TFAP2D: variants seen among roughly 807,000 people sequenced by gnomAD.
TFAP2D encodes the protein transcription factor AP-2-delta.
Under a neutral mutation model 43.6 loss-of-function variants are expected in TFAP2D, and 9 were observed. The observed-to-expected ratio is 0.21, with a 90% CI of 0.12 to 0.36. The LOEUF (loss-of-function observed/expected upper bound fraction) is 0.36. TFAP2D is among the 10% of genes least tolerant of loss of function. The pLI is 1.00. For synonymous variants in TFAP2D, 256 were observed against 224.9 expected, an observed-to-expected ratio of 1.14 and a Z score of -1.24; for missense variants, 513 against 561.4, an observed-to-expected ratio of 0.91 and a Z score of 0.87.
Position 50,745,238 on chromosome 6 carries a change from C to T in TFAP2D, c.1015C>T (p.Leu339=). 1 of 1,613,496 alleles carries T rather than the reference C, an allele frequency of 6.2e-7. No individual in the cohort carries two copies. Among genetic ancestry groups the T allele is most frequent in the Non-Finnish European group, 8.5e-7 (1 of 1,179,648 alleles). ...ACAGACAGCAAGAAAAAAGATGATC[C>T]TGGCGACCAAGTAAGCAGAATGGGG... The part of the protein sequence containing the change: ...KEQTARKKMI[L]ATKQICKEFQ... Residue 339 remains leucine, a synonymous_variant, in exon 6 of 8, where the codon CTG becomes TTG. Transcript: ENST00000008391.
chr6:50,768,603 T>C (rs1391003087), intron 7 of TFAP2D, among the ~76,000 whole-genome samples: 2 of 152,182 alleles, frequency 1.3e-5, no homozygotes, highest in African/African-American at 4.8e-5. Context: ...TAAAACATAC[T>C]GTGATTGCAC....
chr6:50,745,906 G>A (rs554756544), intron 6 of TFAP2D, among the ~76,000 whole-genome samples: 20 of 152,208 alleles, frequency 1.3e-4, no homozygotes, highest in African/African-American at 4.6e-4. Context: ...AATAGGAAAG[G>A]GGGAAGCTTG....
intron 5 of TFAP2D, among the ~76,000 whole-genome samples, chr6:50,737,691 T>G (rs1768982824): frequency 6.6e-6 from 1 of 152,178 alleles, no homozygotes. Context: ...TGCAATCAAT[T>G]TTTTGAGTTT....
At chr6:50,717,484 A>G (rs973218533) in intron 2 of TFAP2D, among the ~76,000 whole-genome samples, 1 of 152,196 alleles carries the variant, frequency 6.6e-6, no homozygotes, top group African/African-American at 2.4e-5. Flanking sequence ...TATCATCTAC[A>G]TTTCAGATAT....
intron 5 of TFAP2D, among the ~76,000 whole-genome samples, chr6:50,742,285 G>A (rs1769056553): frequency 6.6e-6 from 1 of 151,836 alleles, no homozygotes; most frequent in Non-Finnish European, 1.5e-5. Context: ...TATATCACAA[G>A]CAGGAGAAAG....
intron 7 of TFAP2D, among the ~76,000 whole-genome samples, chr6:50,764,828 A>C (rs1769419918): frequency 6.6e-6 from 1 of 152,196 alleles, no homozygotes; most frequent in African/African-American, 2.4e-5. Flanking sequence ...TTTAAGATGC[A>C]GGATATGATG....
intron 5 of TFAP2D, among the ~76,000 whole-genome samples, chr6:50,733,065 G>T (rs375932903): frequency 6.6e-6 from 1 of 151,906 alleles, no homozygotes; most frequent in African/African-American, 2.4e-5. Context: ...TTGTACCTAC[G>T]AACTAATAGG....
At position 50,772,756 on chromosome 6, in the gene TFAP2D, C is replaced by T. The variant is rs373134716; in HGVS notation, c.1251C>T (p.Asn417=). 1.0e-4 allele frequency: 163 copies of T among 1,613,982 alleles called. No homozygotes were observed. Among genetic ancestry groups the T allele is most frequent in the South Asian group, 1.4e-4 (13 of 91,094 alleles). ...NYLEKHTTHK[N]GGAADSGQGH... ...TGGAAAAACACACTACTCACAAGAA[C>T]GGCGGAGCGGCGGATTCTGGCCAAG... Residue 417 remains asparagine, a synonymous_variant, in exon 8 of 8, where the codon AAC becomes AAT. Coordinates refer to ENST00000008391, the MANE Select transcript of TFAP2D (RefSeq NM_172238.4).
At chr6:50,727,942 C>A (rs1768832555) in intron 3 of TFAP2D, among the ~76,000 whole-genome samples, 1 of 152,030 alleles carries the variant, frequency 6.6e-6, no homozygotes, top group Admixed American at 6.5e-5. Flanking sequence ...TCGTCAAGTC[C>A]TCTTCAGTTA....
intron 3 of TFAP2D, among the ~76,000 whole-genome samples, chr6:50,724,456 G>A (rs765304839): frequency 5.3e-5 from 8 of 152,214 alleles, no homozygotes; most frequent in Non-Finnish European, 1.5e-5. Context: ...GACGAGTGGG[G>A]CGGCGCTGTG....
chr6:50,770,207 T>A (rs1299601853), intron 7 of TFAP2D, among the ~76,000 whole-genome samples: 1 of 152,196 alleles, frequency 6.6e-6, no homozygotes, highest in Non-Finnish European at 1.5e-5. Context: ...AGATCCCAGA[T>A]AGATTTCAAA....
intron 5 of TFAP2D, among the ~76,000 whole-genome samples, chr6:50,737,840 T>C (rs919128807): frequency 3.3e-5 from 5 of 152,204 alleles, no homozygotes; most frequent in African/African-American, 9.6e-5. Flanking sequence ...TTTCAGTCTT[T>C]GGCTATTACA....
chr6:50,756,348 A>G (rs555993102), intron 7 of TFAP2D, among the ~76,000 whole-genome samples: 2 of 152,096 alleles, frequency 1.3e-5, no homozygotes, highest in East Asian at 3.9e-4. Flanking sequence ...GTGAAGAGGG[A>G]GTGTAATTAG....
chr6:50,750,939 G>T (rs1769192187), intron 6 of TFAP2D, among the ~76,000 whole-genome samples: 1 of 151,896 alleles, frequency 6.6e-6, no homozygotes, highest in African/African-American at 2.4e-5. Context: ...GTTAATTTAT[G>T]AATAGTCATC....
intron 5 of TFAP2D, among the ~76,000 whole-genome samples, chr6:50,737,791 T>A (rs1163697215): frequency 6.6e-6 from 1 of 152,170 alleles, no homozygotes; most frequent in Non-Finnish European, 1.5e-5. Context: ...TTTATTACAA[T>A]TTATTTAACC....
intron 3 of TFAP2D, among the ~76,000 whole-genome samples, 192 bp downstream of exon 3, chr6:50,719,342 A>G (rs1392181448): frequency 6.6e-6 from 1 of 152,168 alleles, no homozygotes; most frequent in Non-Finnish European, 1.5e-5. Flanking sequence ...GTTTGAACCC[A>G]GGCTATGCCC....
intron 2 of TFAP2D, among the ~76,000 whole-genome samples, chr6:50,717,563 T>C (rs1768647260): frequency 6.6e-6 from 1 of 152,216 alleles, no homozygotes; most frequent in Non-Finnish European, 1.5e-5. Context: ...TTATTACTCA[T>C]ACTGAAGCAA....
intron 7 of TFAP2D, among the ~76,000 whole-genome samples, chr6:50,756,188 C>T (rs1001818231): frequency 2.0e-5 from 3 of 151,880 alleles, no homozygotes; most frequent in Non-Finnish European, 4.4e-5. Flanking sequence ...TAAAATTTTC[C>T]GCTGACAGTG....
intron 7 of TFAP2D, among the ~76,000 whole-genome samples, chr6:50,767,492 T>C (rs961956852): frequency 6.6e-6 from 1 of 152,252 alleles, no homozygotes; most frequent in Non-Finnish European, 1.5e-5. Flanking sequence ...TTGTCCCCTC[T>C]GTGCTATAGT....
Sources: allele counts gnomAD v4.1 joint callset (sites outside exome capture counted in the v4.1 genomes callset), GRCh38; gene constraint gnomAD v4.1.1; transcripts MANE v1.5; gene names NCBI Gene and HGNC (gene_info 2026-07-23, HGNC 2026-07-21).